Variants in DHX15 observed in about 807,000 individuals in gnomAD.
The protein encoded by DHX15 is DEAH-box helicase 15.
A neutral mutation model predicts 94.4 loss-of-function variants in DHX15; 11 were observed. The observed-to-expected ratio is 0.12, with a 90% CI of 0.07 to 0.19. DHX15 has a LOEUF of 0.19. Among genes scored for constraint, DHX15 ranks in the 10% least tolerant of loss-of-function variants. DHX15 has a pLI of 1.00. For synonymous variants in DHX15, 338 were observed against 329.9 expected, an observed-to-expected ratio of 1.02 and a Z score of -0.27; for missense variants, 304 against 988.5, an observed-to-expected ratio of 0.31 and a Z score of 9.29.
At chr4:24,541,245 C>T (rs1227407009) in intron 8 of DHX15, among the ~76,000 whole-genome samples, 1 of 152,196 alleles carries the variant, frequency 6.6e-6, no homozygotes, top group Admixed American at 6.5e-5. Flanking sequence ...GCAGTGTCAA[C>T]AGAAAAAATT....
intron 6 of DHX15, among the ~76,000 whole-genome samples, chr4:24,545,139 G>A (rs1721396536): frequency 6.6e-6 from 1 of 152,168 alleles, no homozygotes; most frequent in African/African-American, 2.4e-5. Context: ...CTACATGCCT[G>A]TAAATACAGA....
intron 1 of DHX15, among the ~76,000 whole-genome samples, chr4:24,578,846 G>C (rs1473947880): frequency 6.6e-6 from 1 of 152,132 alleles, no homozygotes; most frequent in Non-Finnish European, 1.5e-5. Flanking sequence ...TTACCGATGA[G>C]CTACCATGCC....
chr4:24,547,931 A>ATATATATC (rs1560765886), intron 6 of DHX15, among the ~76,000 whole-genome samples: 56 of 36,318 alleles, frequency 1.5e-3, no homozygotes, highest in African/African-American at 7.0e-3. Flanking sequence ...ATATATATAT[A>ATATATATC]TATATATATA....
Position 24,584,542 on chromosome 4 carries a change from C to A in DHX15, c.-149G>T. ...CGGCCGGAACCAACAGCTAAAATGG[C>A]GGCGGCGACGAGGGCTGGGCCTGCG... On this transcript the variant is annotated 5_prime_UTR_variant, in exon 1 of 14. Coordinates refer to ENST00000336812, the MANE Select transcript of DHX15 (RefSeq NM_001358.3). 1 of 738,144 alleles carries A rather than the reference C, an allele frequency of 1.4e-6. No homozygotes were observed. Among genetic ancestry groups the A allele is most frequent in the South Asian group, 2.2e-5 (1 of 46,254 alleles). 45.7% of individuals were successfully genotyped at this position (738,144 alleles called of 1,614,324 possible).
intron 5 of DHX15, among the ~76,000 whole-genome samples, chr4:24,551,962 C>T (rs1560767631): frequency 6.6e-6 from 1 of 152,136 alleles, no homozygotes; most frequent in Non-Finnish European, 1.5e-5. Flanking sequence ...GGAGCTAAAA[C>T]AAAATGATGA....
chr4:24,584,346 G>C lies in DHX15; in HGVS notation c.48C>G (p.Gly16=). The change falls in exon 1 of 14, where the codon GGC becomes GGG. Residue 16 remains glycine (G), a synonymous_variant. Coordinates refer to ENST00000336812, the MANE Select transcript of DHX15 (RefSeq NM_001358.3). ...ACCCATCGGTCCCCGCACGCTTCTT[G>C]CCAGAGGGGTAATCCTCCCCTAGGT... ...RLDLGEDYPS[G]KKRAGTDGKD... 1.9e-6 allele frequency: 3 copies of C among 1,613,118 alleles called. No individual in the cohort carries two copies. The highest frequency in any genetic ancestry group is 2.5e-6 in the Non-Finnish European group (3 of 1,179,636).
intron 3 of DHX15, among the ~76,000 whole-genome samples, chr4:24,569,004 C>A (rs139842308): frequency 2.6e-5 from 4 of 152,148 alleles, no homozygotes; most frequent in Admixed American, 2.0e-4. Flanking sequence ...TTAAATATCA[C>A]GCTGAATAAA....
Position 24,584,308 on chromosome 4 carries a change from C to CCCGG in DHX15, c.71+11_71+14dup. 1 of 1,609,124 alleles carries CCCGG rather than the reference C, an allele frequency of 6.2e-7. No homozygotes were observed. The highest frequency in any genetic ancestry group is 8.5e-7 in the Non-Finnish European group (1 of 1,178,594). Reference sequence around the variant, plus strand: ...AAAGCCCGAGCTGCCGCCTCGCGCCCCCGGCCTGGCTTACCCATCGGTCCC... The same window carrying CCCGG: ...AAAGCCCGAGCTGCCGCCTCGCGCCCCCGGCCGGCCTGGCTTACCCATCGGTCCC... On this transcript the variant is annotated intron_variant, in intron 1 of 13. Coordinates refer to ENST00000336812, the MANE Select transcript of DHX15 (RefSeq NM_001358.3).
At position 24,528,057 on chromosome 4, in the gene DHX15, C is replaced by A; in HGVS notation, c.2271-16G>T. 6.3e-7 allele frequency: 1 copy of A among 1,585,214 alleles called. No individual in the cohort carries two copies. Among genetic ancestry groups the A allele is most frequent in the South Asian group, 1.1e-5 (1 of 90,370 alleles). On this transcript the variant is annotated splice_polypyrimidine_tract_variant and intron_variant, in intron 13 of 13. Coordinates refer to ENST00000336812, the MANE Select transcript of DHX15 (RefSeq NM_001358.3). ...TTTCACCAACCTGTTTAGAAGTGGG[C>A]AGAAAAATTTCCAAATTAACATTTA...
At chr4:24,533,739 G>A (rs946302603) in intron 11 of DHX15, 1 of 152,192 alleles carries the variant, frequency 6.6e-6, no homozygotes, top group Non-Finnish European at 1.5e-5. Context: ...AGCTCAACCT[G>A]TAGCATCATG....
At chr4:24,569,657 T>TCTCTGACAACAAAGA (rs555016205) in intron 3 of DHX15, among the ~76,000 whole-genome samples, 1 of 149,318 alleles carries the variant, frequency 6.7e-6, no homozygotes, top group Non-Finnish European at 1.5e-5. Flanking sequence ...ACTATATATC[T>TCTCTGACAACAAAGA]CTCTGACAAC....
intron 3 of DHX15, among the ~76,000 whole-genome samples, chr4:24,568,680 T>C (rs1722048668): frequency 6.6e-6 from 1 of 152,222 alleles, no homozygotes; most frequent in Non-Finnish European, 1.5e-5. Context: ...TGTTCTCAAC[T>C]GTGGCTTACC....
chr4:24,544,768 C>G (rs547048682), intron 6 of DHX15, among the ~76,000 whole-genome samples: 1 of 152,120 alleles, frequency 6.6e-6, no homozygotes, highest in Non-Finnish European at 1.5e-5. Context: ...GTCTACATAA[C>G]ACAGGGTTGT....
rs78957859 is a variant in DHX15 at position 24,561,748 on chromosome 4, T to G, written c.702-5338A>C. Among the ~76,000 whole-genome samples, 1,080 of 152,118 alleles carry G rather than the reference T, an allele frequency of 7.1e-3. 17 individuals are homozygous for G. The highest frequency in any genetic ancestry group is 0.025 in the African/African-American group (1,019 of 41,476). On this transcript the variant is annotated intron_variant, in intron 3 of 13. Transcript: ENST00000336812. ...TTGGGAGCTCAACTTTGAGTAAATA[T>G]GCACACAAAGAAAGGAACAACAAAC...
At chr4:24,540,038 CA>C (rs1404639592) in intron 10 of DHX15, 69 bp downstream of exon 10, 4 of 1,239,324 alleles carry the variant, frequency 3.2e-6, no homozygotes, top group Non-Finnish European at 4.3e-6. Context: ...AATTAAAAAA[CA>C]AAAACAAAAG....
At chr4:24,556,132 T>TA (rs1708986498) in intron 4 of DHX15, 119 bp downstream of exon 4, 9 of 722,254 alleles carry the variant, frequency 1.2e-5, no homozygotes, top group Non-Finnish European at 1.9e-5. Context: ...AGAAGGTACT[T>TA]ACTAGTTCCT....
chr4:24,544,626 T>C (rs1378300969), intron 6 of DHX15, among the ~76,000 whole-genome samples: 1 of 152,214 alleles, frequency 6.6e-6, no homozygotes, highest in African/African-American at 2.4e-5. Context: ...AAAGTCAGTT[T>C]CTTGTAGTTA....
chr4:24,557,190 A>G (rs1403012807), intron 3 of DHX15, among the ~76,000 whole-genome samples: 3 of 152,140 alleles, frequency 2.0e-5, no homozygotes, highest in African/African-American at 7.2e-5. Flanking sequence ...AGATTGTATA[A>G]CTTTGCAGGG....
rs142654564 is a variant in DHX15 at position 24,570,630 on chromosome 4, C to T, written c.701+24G>A. On this transcript the variant is annotated intron_variant, in intron 3 of 13. Coordinates refer to ENST00000336812, the MANE Select transcript of DHX15 (RefSeq NM_001358.3). ...AAAATGGCAAGCAGAGGACTAAAAG[C>T]GTCATTAAAGATATAGTACTTACTT... 6.4e-4 allele frequency: 1,033 copies of T among 1,606,640 alleles called. 9 individuals carry two copies. In the African/African-American group the frequency reaches 0.011, roughly 18 times the overall value.
Sources: gnomAD v4.1 joint callset for allele counts (sites outside exome capture counted in the v4.1 genomes callset) on GRCh38, gnomAD v4.1.1 for gene constraint, MANE v1.5 for transcripts, NCBI Gene and HGNC (gene_info 2026-07-23, HGNC 2026-07-21) for gene names.